FAM234A: variants seen among roughly 807,000 people sequenced by gnomAD.
FAM234A encodes protein FAM234A.
FAM234A carries 42 observed loss-of-function variants against 49.1 expected under a neutral mutation model. That is an observed-to-expected ratio of 0.86 (90% CI 0.67 to 1.11). The LOEUF (loss-of-function observed/expected upper bound fraction) is 1.11. FAM234A is among the 50% of genes least tolerant of loss of function. The probability of loss-of-function intolerance (pLI) is 0.00; values close to 1 mark genes in which losing one functional copy is unlikely to be tolerated. For missense variants in FAM234A, 815 were observed against 745.2 expected (o/e 1.09, Z -1.09); for synonymous variants, 369 against 316.2 (o/e 1.17, Z -1.77).
Position 259,476 on chromosome 16 carries a change from CT to C in FAM234A, c.269-4del, listed in dbSNP as rs748547923. On this transcript the variant is annotated splice_polypyrimidine_tract_variant and splice_region_variant and intron_variant, in intron 3 of 12. Coordinates refer to ENST00000399932, the MANE Select transcript of FAM234A (RefSeq NM_032039.4). ...CGCGGAGTATAGTCTGTGGTTTTCT[CT>C]TTCAGTTATCTATGACTTTCTGGCT... 2.7e-5 allele frequency: 41 copies of C among 1,533,976 alleles called. No homozygotes were observed. Among genetic ancestry groups the C allele is most frequent in the Non-Finnish European group, 2.9e-5 (32 of 1,107,706 alleles).
At chr16:260,244 G>A (rs56284809) in intron 5 of FAM234A, 84 bp downstream of exon 5, 213,927 of 1,275,116 alleles carry the variant, frequency 0.17, 19,842 homozygotes, top group East Asian at 0.3. Flanking sequence ...AGGAGGCCGC[G>A]ACGAGGCTCA....
intron 1 of FAM234A, among the ~76,000 whole-genome samples, chr16:239,045 A>G (rs1340395956): frequency 4.3e-5 from 6 of 138,750 alleles, no homozygotes; most frequent in Admixed American, 7.3e-5. Flanking sequence ...TCGCTCCGCT[A>G]CACTCCAGCC....
chr16:264,007 C>G lies in FAM234A; in HGVS notation c.1189-9C>G. ...ACGTTGGCCCCCACAGTGTCCCCTC[C>G]CTCCCCAGATCCTGTTTCTGGACCT... On this transcript the variant is annotated splice_polypyrimidine_tract_variant and intron_variant, in intron 10 of 12. Coordinates refer to ENST00000399932, the MANE Select transcript of FAM234A (RefSeq NM_032039.4). 1 of 1,607,934 alleles carries G rather than the reference C, an allele frequency of 6.2e-7. No individual in the cohort carries two copies.
chr16:234,889 C>T (rs1307759057), intron 1 of FAM234A, 32 bp downstream of exon 1: 1 of 152,144 alleles, frequency 6.6e-6, no homozygotes, highest in African/African-American at 2.4e-5. Flanking sequence ...CTCGCGCGTG[C>T]ACGCCGCAGG....
chr16:269,326 G>A (rs1361925836), downstream of FAM234A: 6 of 1,601,474 alleles, frequency 3.7e-6, no homozygotes, highest in African/African-American at 4.0e-5. Context: ...CCACAGGGGT[G>A]GGAAGGAGTG....
chr16:245,958 G>A (rs112316985), intron 1 of FAM234A, among the ~76,000 whole-genome samples: 2,178 of 152,130 alleles, frequency 0.014, 52 homozygotes, highest in East Asian at 0.11. Context: ...TGTAATCCCA[G>A]CACTTTGAGA....
At position 264,965 on chromosome 16, in the gene FAM234A, C is replaced by G. The variant is rs773209658; in HGVS notation, c.1602C>G (p.Asp534Glu). ...RVVRLGEGGP[D>E]SDQAIRDRFS... ...TCCGCCTGGGTGAGGGTGGGCCAGA[C>G]AGTGACCAAGCCATCAGGGACCGGT... is the stretch of plus-strand genomic sequence containing the variant. Residue 534 changes from aspartate to glutamate, a missense_variant, in exon 13 of 13, where the codon GAC becomes GAG. Asp to Glu is a conservative substitution (Grantham distance 45). Coordinates refer to ENST00000399932, the MANE Select transcript of FAM234A (RefSeq NM_032039.4). 3 of 1,612,674 alleles carry G rather than the reference C, an allele frequency of 1.9e-6. No individual in the cohort carries two copies. Among genetic ancestry groups the G allele is most frequent in the Non-Finnish European group, 2.5e-6 (3 of 1,179,616 alleles).
chr16:268,072 C>G (rs1020348463), downstream of FAM234A, among the ~76,000 whole-genome samples: 2 of 148,528 alleles, frequency 1.3e-5, no homozygotes, highest in African/African-American at 5.0e-5. Flanking sequence ...ATCACACATG[C>G]TATGCGTACA....
chr16:255,732 C>A (rs59752918), intron 3 of FAM234A, among the ~76,000 whole-genome samples: 5,446 of 152,272 alleles, frequency 0.036, 354 homozygotes, highest in African/African-American at 0.12. Context: ...GGCACAATCT[C>A]CGCTCATCTC....
intron 1 of FAM234A, among the ~76,000 whole-genome samples, chr16:239,507 C>A (rs868218904): frequency 6.7e-6 from 1 of 148,430 alleles, no homozygotes; most frequent in African/African-American, 2.5e-5. Context: ...CCCAGCTACT[C>A]GGGAGGCTGA....
intron 8 of FAM234A, 57 bp downstream of exon 8, chr16:262,610 G>C (rs906926833): frequency 3.4e-6 from 5 of 1,484,850 alleles, no homozygotes; most frequent in Admixed American, 2.3e-5. Context: ...GGCTCTGCTC[G>C]CCTGCCTCAG....
chr16:259,009 T>C (rs893354798), intron 3 of FAM234A, among the ~76,000 whole-genome samples: 1 of 152,142 alleles, frequency 6.6e-6, no homozygotes, highest in Admixed American at 6.6e-5. Context: ...TCTCAATCTC[T>C]TGACCTCGTT....
chr16:264,832 G>A lies in FAM234A; in HGVS notation c.1469G>A (p.Arg490His), dbSNP rs778187344. 6 of 1,610,486 alleles carry A rather than the reference G, an allele frequency of 3.7e-6. No homozygotes were observed. Among genetic ancestry groups the A allele is most frequent in the East Asian group, 2.2e-5 (1 of 44,846 alleles). ...AFDAVLFEPSRHAAYILLTGP... is the reference protein window; with the variant it reads ...AFDAVLFEPSHHAAYILLTGP... ...GCAGCCGTCCTGTTTGAGCCAAGCC[G>A]CCACGCCGCCTACATCCTTCTGACA... The change falls in exon 13 of 13, where the codon CGC becomes CAC. Residue 490 changes from arginine (R) to histidine (H), a missense_variant. Coordinates refer to ENST00000399932, the MANE Select transcript of FAM234A (RefSeq NM_032039.4).
Position 237,742 on chromosome 16 carries a change from T to C in FAM234A, c.-140+2885T>C, listed in dbSNP as rs111730028. Among the ~76,000 whole-genome samples the C allele has an allele frequency of 7.0e-3, 1,059 of 151,402 alleles. 13 individuals carry two copies. Among genetic ancestry groups the C allele is most frequent in the African/African-American group, 0.025 (1,013 of 41,230 alleles). On this transcript the variant is annotated intron_variant, in intron 1 of 12. Coordinates refer to ENST00000399932, the MANE Select transcript of FAM234A (RefSeq NM_032039.4). Reference sequence around the variant, plus strand: ...TTTTTTTTTTTTTGAGACAGAGTCTTCCTCTGTCACCCAGGCTGGAGTGCA... The same window carrying C: ...TTTTTTTTTTTTTGAGACAGAGTCTCCCTCTGTCACCCAGGCTGGAGTGCA...
intron 1 of FAM234A, chr16:248,120 T>A (rs1281970912): frequency 6.6e-6 from 1 of 152,240 alleles, no homozygotes; most frequent in East Asian, 1.9e-4. Context: ...CATTCTGCTC[T>A]GCAGGTGAGG....
chr16:268,990 T>A, downstream of FAM234A: 2 of 1,495,974 alleles, frequency 1.3e-6, no homozygotes, highest in African/African-American at 2.8e-5. Context: ...GTGGCCTTGG[T>A]CTCACCTCTC....
chr16:263,310 A>C lies in FAM234A; in HGVS notation c.1020A>C (p.Ala340=). 1 of 1,613,278 alleles carries C rather than the reference A, an allele frequency of 6.2e-7. No homozygotes were observed. Among genetic ancestry groups the C allele is most frequent in the Non-Finnish European group, 8.5e-7 (1 of 1,180,006 alleles). Residue 340 remains alanine, a synonymous_variant, in exon 9 of 13, where the codon GCA becomes GCC. Transcript: ENST00000399932. ...TGCATGTCCCAGGGAACGCCGGTGC[A>C]GATGTGCTTCTTGTGGGCTCAGAGG... ...YLMHVPGNAG[A]DVLLVGSEAF... is the part of the protein sequence containing the mutation.
chr16:238,367 C>G (rs2050475855), intron 1 of FAM234A, among the ~76,000 whole-genome samples: 1 of 152,140 alleles, frequency 6.6e-6, no homozygotes, highest in Non-Finnish European at 1.5e-5. Context: ...TCCTGTGGGA[C>G]AAGAGTGCCT....
At position 265,019 on chromosome 16, in the gene FAM234A, G is replaced by T. The variant is rs200499463; in HGVS notation, c.1656G>T (p.Ala552=). 2.5e-6 allele frequency: 4 copies of T among 1,598,572 alleles called. No homozygotes were observed. The African/African-American group carries it at 4.0e-5, about 16-fold the overall frequency. ...RFSRLRYQSE[A] is the part of the protein sequence containing the mutation. The stretch of plus-strand genomic sequence containing the variant: ...CCCGGCTGCGGTACCAGAGTGAGGC[G>T]TAGAGGCACGCCAGCCAGAGCCTGT... Residue 552 remains alanine (A), a synonymous_variant, in exon 13 of 13, where the codon GCG becomes GCT. Transcript: ENST00000399932.
Sources: allele counts gnomAD v4.1 joint callset (sites outside exome capture counted in the v4.1 genomes callset), GRCh38; gene constraint gnomAD v4.1.1; transcripts MANE v1.5; gene names NCBI Gene and HGNC (gene_info 2026-07-23, HGNC 2026-07-21).